The following GRIA4 variants were observed in gnomAD, a reference collection of about 807,000 sequenced individuals.
The protein encoded by GRIA4 is glutamate receptor 4.
Under a neutral mutation model 104.0 loss-of-function variants are expected in GRIA4, and 34 were observed. The ratio of observed to expected loss-of-function variants is 0.33; its 90% CI spans 0.25 to 0.44. The LOEUF is 0.44. Ranked by LOEUF, GRIA4 falls within the 20% of genes least tolerant of loss-of-function variation. The pLI is 1.00. For missense variants in GRIA4, 750 were observed against 1,096.5 expected (o/e 0.68, Z 4.46); for synonymous variants, 386 against 381.9 (o/e 1.01, Z -0.13).
intron 13 of GRIA4, among the ~76,000 whole-genome samples, chr11:105,932,264 T>C (rs1004801097): frequency 6.6e-6 from 1 of 151,988 alleles, no homozygotes; most frequent in African/African-American, 2.4e-5. Context: ...TCAGCCCCCT[T>C]AGTAGCTGGG....
At chr11:105,977,915 A>G (rs982195738) in intron 16 of GRIA4, among the ~76,000 whole-genome samples, 1 of 152,026 alleles carries the variant, frequency 6.6e-6, no homozygotes, top group Non-Finnish European at 1.5e-5. Flanking sequence ...TTCTTGATTA[A>G]GGGATTCTTT....
Position 105,618,995 on chromosome 11 carries a change from G to T in GRIA4, c.247+6561G>T, listed in dbSNP as rs150228994. On this transcript the variant is annotated intron_variant, in intron 3 of 16. Transcript: ENST00000282499. ...CTCGTTGACAACTGCAGAGTTTAAA[G>T]AAAGAATTGCAAGGATAACTGTAAT... Among the ~76,000 whole-genome samples the T allele has an allele frequency of 3.9e-3, 594 of 151,802 alleles. 10 individuals are homozygous for T. Among genetic ancestry groups the T allele is most frequent in the African/African-American group, 0.014 (562 of 41,458 alleles).
intron 5 of GRIA4, among the ~76,000 whole-genome samples, chr11:105,867,081 A>C (rs1945445768): frequency 6.6e-6 from 1 of 152,112 alleles, no homozygotes; most frequent in Admixed American, 6.6e-5. Flanking sequence ...AAGGGAATTT[A>C]GTGTCCCATC....
chr11:105,642,336 C>T (rs555723557), intron 3 of GRIA4, among the ~76,000 whole-genome samples: 112 of 152,018 alleles, frequency 7.4e-4, no homozygotes, highest in African/African-American at 2.6e-3. Context: ...TGATTGAAAT[C>T]CCTTATTTAT....
In GRIA4 at chr11:105,611,033, T is replaced by G. The variant is rs151292280; in HGVS notation, c.36T>G (p.Phe12Leu). The part of the protein sequence containing the change: ...RIISRQIVLL[F>L]SGFWGLAMGA... ...TTTCCAGACAGATTGTCTTGTTATTTTCTGGATTTTGGGGACTCGCCATGG... is the reference window on the plus strand; with the variant it reads ...TTTCCAGACAGATTGTCTTGTTATTGTCTGGATTTTGGGGACTCGCCATGG... Residue 12 changes from phenylalanine (F) to leucine (L), a missense_variant, in exon 2 of 17, where the codon TTT becomes TTG. Physicochemically the swap from Phe to Leu is conservative, Grantham distance 22 (BLOSUM62 0). This residue lies in a region of GRIA4 where 410 missense variants were observed against 502.7 expected (regional missense o/e 0.82). Coordinates refer to ENST00000282499, the MANE Select transcript of GRIA4 (RefSeq NM_000829.4). The G allele has an allele frequency of 2.5e-6, 4 of 1,613,562 alleles. No individual in the cohort carries two copies. Among genetic ancestry groups the G allele is most frequent in the Non-Finnish European group, 3.4e-6 (4 of 1,179,710 alleles).
At chr11:105,778,135 GA>G (rs909193848) in intron 4 of GRIA4, among the ~76,000 whole-genome samples, 5 of 151,446 alleles carry the variant, frequency 3.3e-5, no homozygotes, top group South Asian at 2.1e-4. Flanking sequence ...CAAATTTCTA[GA>G]AAAAAAAATT....
chr11:105,744,768 A>C (rs765378339), intron 3 of GRIA4, among the ~76,000 whole-genome samples: 58 of 152,204 alleles, frequency 3.8e-4, no homozygotes, highest in Admixed American at 5.2e-4. Flanking sequence ...GGATAATATT[A>C]AAGACAAGTC....
chr11:105,912,873 CCA>C, intron 10 of GRIA4: 1 of 981,140 alleles, frequency 1.0e-6, no homozygotes, highest in African/African-American at 1.7e-5. Flanking sequence ...GTAATTATCC[CCA>C]GATTCAGCTG....
intron 4 of GRIA4, among the ~76,000 whole-genome samples, chr11:105,848,483 TAGTG>T (rs1565285160): frequency 5.9e-5 from 9 of 152,192 alleles, no homozygotes. Flanking sequence ...AATGAAAGCA[TAGTG>T]AAAGTTACAA....
At chr11:105,892,265 CA>C (rs1176353156) in intron 6 of GRIA4, among the ~76,000 whole-genome samples, 1 of 152,016 alleles carries the variant, frequency 6.6e-6, no homozygotes, top group Non-Finnish European at 1.5e-5. Flanking sequence ...CCACCAATAG[CA>C]AAAAGGAACA....
chr11:105,851,981 T>C (rs1238422108), intron 4 of GRIA4, among the ~76,000 whole-genome samples: 1 of 152,120 alleles, frequency 6.6e-6, no homozygotes, highest in Non-Finnish European at 1.5e-5. Context: ...GCCTGAAATG[T>C]AGGAAATGCT....
rs536096858 is a variant in GRIA4 at position 105,961,568 on chromosome 11, T to C, written c.2295-10346T>C. On this transcript the variant is annotated intron_variant, in intron 14 of 16. Coordinates refer to ENST00000282499, the MANE Select transcript of GRIA4 (RefSeq NM_000829.4). ...CAGGCCTTTTTGGGACCAGAAGTGT[T>C]TTGGATTTCAGATTTTTTTGGATTT... 7.2e-5 allele frequency among the ~76,000 whole-genome samples: 11 copies of C among 152,282 alleles called. No individual in the cohort carries two copies. In the South Asian group the frequency reaches 2.3e-3, roughly 32 times the overall value.
At chr11:105,752,927 G>C in intron 3 of GRIA4, 54 bp from the exon 4 acceptor site, 4 of 1,560,632 alleles carry the variant, frequency 2.6e-6, no homozygotes, top group South Asian at 1.1e-5. Context: ...AGACTTCAAA[G>C]TCAACAATTT....
chr11:105,722,067 T>G (rs1361730661), intron 3 of GRIA4, among the ~76,000 whole-genome samples: 1 of 152,188 alleles, frequency 6.6e-6, no homozygotes, highest in Non-Finnish European at 1.5e-5. Flanking sequence ...CTTTCCTAAT[T>G]TGAAATCATG....
chr11:105,738,552 A>AGTTGT (rs1939102545), intron 3 of GRIA4, among the ~76,000 whole-genome samples: 1 of 152,168 alleles, frequency 6.6e-6, no homozygotes, highest in African/African-American at 2.4e-5. Context: ...TACTCATGAG[A>AGTTGT]ATAGTTGTTT....
intron 3 of GRIA4, among the ~76,000 whole-genome samples, chr11:105,650,092 T>C (rs1951643077): frequency 6.6e-6 from 1 of 152,170 alleles, no homozygotes; most frequent in African/African-American, 2.4e-5. Context: ...TAGAAAATAA[T>C]GTGCAAAAAT....
intron 3 of GRIA4, among the ~76,000 whole-genome samples, chr11:105,628,086 TACACACACACAAAC>T (rs1456223480): frequency 1.3e-5 from 2 of 151,562 alleles, no homozygotes; most frequent in Non-Finnish European, 2.9e-5. Context: ...TGTGTATGTG[TACACACACACAAAC>T]ACACACACAC....
intron 14 of GRIA4, among the ~76,000 whole-genome samples, chr11:105,939,853 G>A (rs768843290): frequency 1.3e-5 from 2 of 152,162 alleles, no homozygotes; most frequent in African/African-American, 4.8e-5. Flanking sequence ...GTTCCTAAAG[G>A]AAAGAGTGCC....
chr11:105,676,276 C>T (rs1250845175), intron 3 of GRIA4, among the ~76,000 whole-genome samples: 1 of 151,604 alleles, frequency 6.6e-6, no homozygotes, highest in South Asian at 2.1e-4. Flanking sequence ...CAGGAACCAG[C>T]AGCAGTTGGT....
Sources: allele counts gnomAD v4.1 joint callset (sites outside exome capture counted in the v4.1 genomes callset), GRCh38; gene constraint gnomAD v4.1.1; regional missense constraint gnomAD v4.1.1; transcripts MANE v1.5; gene names NCBI Gene and HGNC (gene_info 2026-07-23, HGNC 2026-07-21).